Variants in FBXO33 observed in about 807,000 individuals in gnomAD.
The protein encoded by FBXO33 is F-box only protein 33.
Under a neutral mutation model 46.3 loss-of-function variants are expected in FBXO33, and 22 were observed. The ratio of observed to expected loss-of-function variants is 0.48; its 90% CI spans 0.34 to 0.68. FBXO33 has a LOEUF of 0.68. FBXO33 is among the 30% of genes least tolerant of loss of function. The pLI is 0.01. For missense variants in FBXO33, 692 were observed against 708.8 expected, an observed-to-expected ratio of 0.98 and a Z score of 0.27; for synonymous variants, 337 against 291.3, an observed-to-expected ratio of 1.16 and a Z score of -1.60.
At chr14:39,401,000 A>G (rs1368857257) in intron 3 of FBXO33, among the ~76,000 whole-genome samples, 176 bp downstream of exon 3, 1 of 152,238 alleles carries the variant, frequency 6.6e-6, no homozygotes. Context: ...TTGGGTTTGA[A>G]TATGATTTTC....
At chr14:39,418,511 C>T (rs185344157) in intron 1 of FBXO33, among the ~76,000 whole-genome samples, 247 of 151,352 alleles carry the variant, frequency 1.6e-3, no homozygotes, top group African/African-American at 5.3e-3. Context: ...CGCAGTGGCT[C>T]AGGCCTGTAA....
chr14:39,409,512 A>T (rs1048553289), intron 1 of FBXO33, among the ~76,000 whole-genome samples: 4 of 152,224 alleles, frequency 2.6e-5, no homozygotes, highest in Admixed American at 2.0e-4. Flanking sequence ...ATTAGGAAGT[A>T]TGATGCCTCC....
chr14:39,423,869 T>TA (rs2075497719), intron 1 of FBXO33, among the ~76,000 whole-genome samples: 1 of 152,112 alleles, frequency 6.6e-6, no homozygotes, highest in African/African-American at 2.4e-5. Context: ...GTTACAAAGG[T>TA]ATATTGTGTA....
intron 1 of FBXO33, among the ~76,000 whole-genome samples, chr14:39,411,873 A>T (rs1410547682): frequency 4.6e-5 from 7 of 152,002 alleles, no homozygotes; most frequent in African/African-American, 1.5e-4. Flanking sequence ...ATATTTGTAA[A>T]TTTTCCTTTT....
chr14:39,400,247 G>A (rs1444587011), intron 3 of FBXO33, among the ~76,000 whole-genome samples: 6 of 151,930 alleles, frequency 3.9e-5, no homozygotes, highest in African/African-American at 1.5e-4. Context: ...ACACTTTAAA[G>A]GTAAACTGTT....
chr14:39,427,344 T>C (rs1342576985), intron 1 of FBXO33, among the ~76,000 whole-genome samples: 1 of 152,166 alleles, frequency 6.6e-6, no homozygotes, highest in East Asian at 1.9e-4. Context: ...TTTTTCAGTT[T>C]TTAGGTAAGG....
At chr14:39,406,679 C>T (rs1382838379) in intron 1 of FBXO33, among the ~76,000 whole-genome samples, 7 of 152,118 alleles carry the variant, frequency 4.6e-5, no homozygotes. Flanking sequence ...ACAGAAAGAG[C>T]TTCACAGATT....
chr14:39,419,123 C>A (rs1429673493), intron 1 of FBXO33, among the ~76,000 whole-genome samples: 1 of 152,126 alleles, frequency 6.6e-6, no homozygotes, highest in Non-Finnish European at 1.5e-5. Context: ...CACTAAAGTA[C>A]AGCAAGGTAG....
chr14:39,399,001 A>G lies in FBXO33; in HGVS notation c.*515T>C, dbSNP rs2075356416. Reference sequence around the variant, plus strand: ...TATCAACTATTAGATATGTAATGAAAGTTAAAGTCTTGGCTTTTCTGTTAC... The same window carrying G: ...TATCAACTATTAGATATGTAATGAAGGTTAAAGTCTTGGCTTTTCTGTTAC... On this transcript the variant is annotated 3_prime_UTR_variant, in exon 4 of 4. Coordinates refer to ENST00000298097, the MANE Select transcript of FBXO33 (RefSeq NM_203301.4). The G allele has an allele frequency of 6.6e-6, 1 of 152,534 alleles. No homozygotes were observed. Among genetic ancestry groups the G allele is most frequent in the Non-Finnish European group, 1.5e-5 (1 of 68,074 alleles). The allele number at this position is 152,534 out of a possible 1,614,324, so 9.4% of individuals were successfully genotyped here. A position where few individuals can be genotyped will look rare whatever the true frequency, so the allele number is the denominator to read the frequency against.
Position 39,401,695 on chromosome 14 carries a change from T to C in FBXO33, c.877A>G (p.Asn293Asp). 2 of 1,614,244 alleles carry C rather than the reference T, an allele frequency of 1.2e-6. No homozygotes were observed. The highest frequency in any genetic ancestry group is 2.2e-5 in the South Asian group (2 of 91,088). ...TCAACTGCAGTAATAAGAGTGCTGT[T>C]ACCAGGAATATTATTGTCCAGTAAA... ...LSLLDNNIPGNSTLITAVELE... is the reference protein window; with the variant it reads ...LSLLDNNIPGDSTLITAVELE... Residue 293 changes from asparagine to aspartate, a missense_variant, in exon 3 of 4, where the codon AAC becomes GAC. By Grantham distance (23) the Asn-to-Asp change is conservative. This residue lies in a region of FBXO33 where 186 missense variants were observed against 246.1 expected (regional missense o/e 0.76). Coordinates refer to ENST00000298097, the MANE Select transcript of FBXO33 (RefSeq NM_203301.4).
chr14:39,410,237 T>A (rs996238789), intron 1 of FBXO33, among the ~76,000 whole-genome samples: 1 of 152,232 alleles, frequency 6.6e-6, no homozygotes, highest in African/African-American at 2.4e-5. Flanking sequence ...TTTTGAGTGC[T>A]ATATCATGAA....
rs1196689332 is a variant in FBXO33, at chr14:39,398,129, A to C, written c.*1387T>G. On this transcript the variant is annotated 3_prime_UTR_variant, in exon 4 of 4. Coordinates refer to ENST00000298097, the MANE Select transcript of FBXO33 (RefSeq NM_203301.4). The stretch of plus-strand genomic sequence containing the variant: ...ATAAATTGTGTTTCCAAAGCTTACA[A>C]TAGAGCAGCCAGGTCTCAGCACTGC... 3 of 152,692 alleles carry C rather than the reference A, an allele frequency of 2.0e-5. 1 individual carries two copies. In the South Asian group the frequency reaches 6.2e-4, roughly 32 times the overall value. 9.5% of individuals were successfully genotyped at this position (152,692 alleles called of 1,614,324 possible). A position where few individuals can be genotyped will look rare whatever the true frequency, so the allele number is the denominator to read the frequency against.
At chr14:39,424,190 C>T (rs1054753217) in intron 1 of FBXO33, among the ~76,000 whole-genome samples, 5 of 152,216 alleles carry the variant, frequency 3.3e-5, no homozygotes, top group Middle Eastern at 3.2e-3. Flanking sequence ...CCCAAAGAGA[C>T]ACCTGGCTTG....
chr14:39,431,524 C>A (rs753199053), intron 1 of FBXO33, 40 bp downstream of exon 1: 5 of 1,604,880 alleles, frequency 3.1e-6, no homozygotes, highest in Non-Finnish European at 3.4e-6. Context: ...ACGGAGCGAC[C>A]CCCCGTTACC....
At chr14:39,414,775 C>T (rs1355493084) in intron 1 of FBXO33, among the ~76,000 whole-genome samples, 2 of 152,166 alleles carry the variant, frequency 1.3e-5, no homozygotes, top group African/African-American at 4.8e-5. Flanking sequence ...GATCCTCCCA[C>T]CTCAGCCTCC....
Position 39,401,855 on chromosome 14 carries a change from C to T in FBXO33, c.717G>A (p.Gln239=). 6.2e-7 allele frequency: 1 copy of T among 1,608,520 alleles called. No homozygotes were observed. Residue 239 remains glutamine (Q), a synonymous_variant, in exon 3 of 4, where the codon CAG becomes CAA. Coordinates refer to ENST00000298097, the MANE Select transcript of FBXO33 (RefSeq NM_203301.4). Reference sequence around the variant, plus strand: ...TACTCAGGATTTCTTCAAACAGTTGCTGAATTCTATAAGGAAAACACATGC... The same window carrying T: ...TACTCAGGATTTCTTCAAACAGTTGTTGAATTCTATAAGGAAAACACATGC... ...DPDGKKIKQI[Q]QLFEEILSNS...
chr14:39,418,773 T>A (rs145356690), intron 1 of FBXO33, among the ~76,000 whole-genome samples: 2,901 of 105,286 alleles, frequency 0.028, 107 homozygotes, highest in African/African-American at 0.11. Context: ...AGACTCCGTC[T>A]CAAAAAAAAA....
Position 39,431,467 on chromosome 14 carries a change from G to A in FBXO33, c.599+97C>T, listed in dbSNP as rs2075549260. The A allele has an allele frequency of 1.9e-6, 3 of 1,568,620 alleles. No individual in the cohort carries two copies. In the Admixed American group the frequency reaches 5.5e-5, roughly 29 times the overall value. Reference sequence around the variant, plus strand: ...CGTCACTGAGGAAGGCAACACTGAAGTTGGCCGGGCACGTATTATGCACAG... The same window carrying A: ...CGTCACTGAGGAAGGCAACACTGAAATTGGCCGGGCACGTATTATGCACAG... On this transcript the variant is annotated intron_variant, in intron 1 of 3. Transcript: ENST00000298097.
chr14:39,406,431 A>G (rs1017928403), intron 1 of FBXO33, among the ~76,000 whole-genome samples: 2 of 152,218 alleles, frequency 1.3e-5, no homozygotes, highest in African/African-American at 4.8e-5. Flanking sequence ...GTAAACAACT[A>G]TAAAACTAGA....
Sources: allele counts gnomAD v4.1 joint callset (sites outside exome capture counted in the v4.1 genomes callset), GRCh38; gene constraint gnomAD v4.1.1; regional missense constraint gnomAD v4.1.1; transcripts MANE v1.5; gene names NCBI Gene and HGNC (gene_info 2026-07-23, HGNC 2026-07-21).